The following TFCP2L1 variants were observed in gnomAD, a reference collection of about 807,000 sequenced individuals.
TFCP2L1 encodes the protein transcription factor CP2 like 1, also known as transcription factor CP2-like protein 1.
In TFCP2L1, 12 loss-of-function variants were observed where a neutral mutation model predicts 72.2. The ratio of observed to expected loss-of-function variants is 0.17; its 90% CI spans 0.11 to 0.27. The LOEUF (loss-of-function observed/expected upper bound fraction) is 0.27, where lower values mean the gene tolerates loss of function less well. Among genes scored for constraint, TFCP2L1 ranks in the 10% least tolerant of loss-of-function variants. TFCP2L1 has a pLI of 1.00. For synonymous variants in TFCP2L1, 260 were observed against 251.0 expected, an observed-to-expected ratio of 1.04 and a Z score of -0.34; for missense variants, 488 against 624.6, an observed-to-expected ratio of 0.78 and a Z score of 2.33.
chr2:121,267,724 A>G lies in TFCP2L1; in HGVS notation c.214+13396T>C, dbSNP rs537696996. 7.9e-5 allele frequency among the ~76,000 whole-genome samples: 12 copies of G among 152,218 alleles called. No homozygotes were observed. In the South Asian group the frequency reaches 2.5e-3, roughly 32 times the overall value. Reference sequence around the variant, plus strand: ...TAGCCAGGATGGTCTCGAATTCCTGATCTCAAGTGATGCGCCTGCCTTGGC... The same window carrying G: ...TAGCCAGGATGGTCTCGAATTCCTGGTCTCAAGTGATGCGCCTGCCTTGGC... On this transcript the variant is annotated intron_variant, in intron 2 of 14. Transcript: ENST00000263707.
intron 6 of TFCP2L1, among the ~76,000 whole-genome samples, chr2:121,246,176 G>A (rs895739294): frequency 1.3e-5 from 2 of 152,224 alleles, no homozygotes; most frequent in Non-Finnish European, 2.9e-5. Context: ...GCAAGCTCAT[G>A]CAACCCTCCA....
In TFCP2L1 at chr2:121,285,140, G is replaced by T; in HGVS notation, c.-31C>A. 2 of 1,466,770 alleles carry T rather than the reference G, an allele frequency of 1.4e-6. No individual in the cohort carries two copies. Among genetic ancestry groups the T allele is most frequent in the Non-Finnish European group, 9.0e-7 (1 of 1,106,306 alleles). 90.9% of individuals were successfully genotyped at this position (1,466,770 alleles called of 1,614,324 possible). A position where few individuals can be genotyped will look rare whatever the true frequency, so the allele number is the denominator to read the frequency against. On this transcript the variant is annotated 5_prime_UTR_variant, in exon 1 of 15. Coordinates refer to ENST00000263707, the MANE Select transcript of TFCP2L1 (RefSeq NM_014553.3). ...GAACTCCCAGCGCGCCGACCGGGGC[G>T]CGGCAGCAAGCGCAGACGCGGGGCG...
chr2:121,262,409 A>T (rs1254671381), intron 2 of TFCP2L1, among the ~76,000 whole-genome samples: 1 of 152,180 alleles, frequency 6.6e-6, no homozygotes, highest in Non-Finnish European at 1.5e-5. Context: ...GGCTGCAGTG[A>T]GCCAAGATTG....
intron 2 of TFCP2L1, among the ~76,000 whole-genome samples, chr2:121,264,940 G>C (rs753177315): frequency 1.1e-4 from 16 of 152,214 alleles, no homozygotes; most frequent in Non-Finnish European, 2.1e-4. Flanking sequence ...GGCAGTTCCA[G>C]AGTCACCATT....
chr2:121,249,633 T>C lies in TFCP2L1; in HGVS notation c.229A>G (p.Ile77Val), dbSNP rs1274412908. 6.2e-7 allele frequency: 1 copy of C among 1,614,242 alleles called. No homozygotes were observed. ...AGCTTCCGATTCTCCAGTAGTCGGA[T>C]TTCATAAGACTGACCTGGATGGGGG... ...TYLNQGQSYEIRLLENRKLGD... is the reference protein window; with the variant it reads ...TYLNQGQSYEVRLLENRKLGD... Residue 77 changes from isoleucine to valine, a missense_variant, in exon 3 of 15, where the codon ATC becomes GTC. By Grantham distance (29) the Ile-to-Val change is conservative. Coordinates refer to ENST00000263707, the MANE Select transcript of TFCP2L1 (RefSeq NM_014553.3).
intron 2 of TFCP2L1, among the ~76,000 whole-genome samples, chr2:121,255,377 G>C (rs1364708407): frequency 6.6e-6 from 1 of 152,118 alleles, no homozygotes; most frequent in African/African-American, 2.4e-5. Context: ...TGGGGGGGAG[G>C]GGGTGAGAGG....
chr2:121,225,832 A>G (rs1686019903), intron 13 of TFCP2L1, among the ~76,000 whole-genome samples: 1 of 149,048 alleles, frequency 6.7e-6, no homozygotes, highest in Non-Finnish European at 1.5e-5. Flanking sequence ...ACACACGGGA[A>G]CACGGTAAAC....
chr2:121,273,950 C>T (rs1349564412), intron 2 of TFCP2L1, among the ~76,000 whole-genome samples: 2 of 152,006 alleles, frequency 1.3e-5, no homozygotes, highest in African/African-American at 4.8e-5. Context: ...AAAAATTAGC[C>T]TGGCGTGGTA....
At position 121,285,065 on chromosome 2, in the gene TFCP2L1, G is replaced by A; in HGVS notation, c.45C>T (p.Asn15=). ...GCCCTTACCGCAGGTAGCTGCCGGA[G>A]TTGTGCTGGTTGTAGTGCTCGGGCT... is the stretch of plus-strand genomic sequence containing the variant. ...HTQPEHYNQH[N]SGSYLRDVLA... Residue 15 remains asparagine (N), a synonymous_variant, in exon 1 of 15, where the codon AAC becomes AAT. Coordinates refer to ENST00000263707, the MANE Select transcript of TFCP2L1 (RefSeq NM_014553.3). 9.2e-6 allele frequency: 14 copies of A among 1,521,508 alleles called. No individual in the cohort carries two copies. Among genetic ancestry groups the A allele is most frequent in the Non-Finnish European group, 1.2e-5 (14 of 1,137,160 alleles). The allele number at this position is 1,521,508 out of a possible 1,614,324, so 94.3% of individuals were successfully genotyped here. A position where few individuals can be genotyped will look rare whatever the true frequency, so the allele number is the denominator to read the frequency against.
chr2:121,220,346 A>G lies in TFCP2L1; in HGVS notation c.*3995T>C, dbSNP rs1685907813. 6.6e-6 allele frequency: 1 copy of G among 152,138 alleles called. No homozygotes were observed. Among genetic ancestry groups the G allele is most frequent in the African/African-American group, 2.4e-5 (1 of 41,392 alleles). 9.4% of individuals were successfully genotyped at this position (152,138 alleles called of 1,614,324 possible). ...CTCCCCACCCCATCCTGTCCTTTCC[A>G]CAGGCATACCATGCCCCTCCTCCAG... On this transcript the variant is annotated 3_prime_UTR_variant, in exon 15 of 15. Coordinates refer to ENST00000263707, the MANE Select transcript of TFCP2L1 (RefSeq NM_014553.3).
At chr2:121,248,898 T>C (rs1213191343) in intron 4 of TFCP2L1, 84 bp downstream of exon 4, 2 of 1,120,480 alleles carry the variant, frequency 1.8e-6, no homozygotes, top group Non-Finnish European at 2.5e-6. Flanking sequence ...CTTCTCGGCA[T>C]AGGTCCGGGT....
Position 121,223,213 on chromosome 2 carries a change from C to T in TFCP2L1, c.*1128G>A, listed in dbSNP as rs1396804351. On this transcript the variant is annotated 3_prime_UTR_variant, in exon 15 of 15. Transcript: ENST00000263707. ...TGGGCCAGTAGAGATCACTGGATCC[C>T]AGGAACCAGAGGCAAGACAAAGACG... The T allele has an allele frequency of 6.6e-6, 1 of 152,156 alleles. No individual in the cohort carries two copies. Among genetic ancestry groups the T allele is most frequent in the Non-Finnish European group, 1.5e-5 (1 of 68,042 alleles). The allele number at this position is 152,156 out of a possible 1,614,324, so 9.4% of individuals were successfully genotyped here.
intron 2 of TFCP2L1, among the ~76,000 whole-genome samples, chr2:121,257,318 C>A (rs114490952): frequency 0.043 from 6,481 of 151,914 alleles, 215 homozygotes; most frequent in East Asian, 0.13. Context: ...GCAGTACTGT[C>A]CCTCCCGGGG....
Position 121,269,907 on chromosome 2 carries a change from T to TCAAAAA in TFCP2L1, c.214+11212_214+11213insTTTTTG, listed in dbSNP as rs750107740. Among the ~76,000 whole-genome samples, 19 of 77,584 alleles carry TCAAAAA rather than the reference T, an allele frequency of 2.4e-4. 1 individual carries two copies. Among genetic ancestry groups the TCAAAAA allele is most frequent in the African/African-American group, 1.1e-3 (17 of 14,878 alleles). The allele number at this position is 77,584 out of a possible 152,430, so 50.9% of individuals were successfully genotyped here. On this transcript the variant is annotated intron_variant, in intron 2 of 14. Coordinates refer to ENST00000263707, the MANE Select transcript of TFCP2L1 (RefSeq NM_014553.3). The stretch of plus-strand genomic sequence containing the variant: ...CTGGGTGACAGAGCAAGACTCCATC[T>TCAAAAA]AAAAAAAAAAAATATATATATATAT...
intron 2 of TFCP2L1, among the ~76,000 whole-genome samples, chr2:121,269,868 C>A (rs2104749065): frequency 1.5e-5 from 2 of 137,112 alleles, no homozygotes; most frequent in African/African-American, 5.9e-5. Flanking sequence ...GAGATTGCGC[C>A]ACTGCACACC....
intron 4 of TFCP2L1, 48 bp downstream of exon 4, chr2:121,248,934 C>T (rs748569886): frequency 7.6e-6 from 11 of 1,447,286 alleles, no homozygotes; most frequent in Non-Finnish European, 1.0e-5. Flanking sequence ...CCCAATGTGG[C>T]CTGGGTGCCT....
At chr2:121,270,085 T>C (rs1453483865) in intron 2 of TFCP2L1, among the ~76,000 whole-genome samples, 1 of 151,706 alleles carries the variant, frequency 6.6e-6, no homozygotes, top group Non-Finnish European at 1.5e-5. Flanking sequence ...GGTAATCACA[T>C]GAAAGGCAAA....
At chr2:121,250,884 C>G (rs1435204391) in intron 2 of TFCP2L1, among the ~76,000 whole-genome samples, 3 of 151,594 alleles carry the variant, frequency 2.0e-5, no homozygotes, top group African/African-American at 7.3e-5. Flanking sequence ...GGATTACAGG[C>G]GTGAGCCACC....
At chr2:121,280,343 C>T (rs929282305) in intron 2 of TFCP2L1, among the ~76,000 whole-genome samples, 1 of 152,182 alleles carries the variant, frequency 6.6e-6, no homozygotes, top group African/African-American at 2.4e-5. Flanking sequence ...TGGAACCCTG[C>T]TCCGGTGCTG....
Sources: allele counts gnomAD v4.1 joint callset (sites outside exome capture counted in the v4.1 genomes callset), GRCh38; gene constraint gnomAD v4.1.1; transcripts MANE v1.5; gene names NCBI Gene and HGNC (gene_info 2026-07-23, HGNC 2026-07-21).